The following WFDC11 variants were observed in gnomAD, a reference collection of about 807,000 sequenced individuals.
WFDC11 encodes WAP four-disulfide core domain 11, also known as protein WFDC11.
A neutral mutation model predicts 9.9 loss-of-function variants in WFDC11; 9 were observed. The ratio of observed to expected loss-of-function variants is 0.91; its 90% CI spans 0.55 to 1.58. The LOEUF (loss-of-function observed/expected upper bound fraction) is 1.58. Among genes scored for constraint, WFDC11 ranks in the 40% most tolerant of loss-of-function variants. The pLI is 0.00. For synonymous variants in WFDC11, 32 were observed against 33.3 expected (o/e 0.96, Z 0.13); for missense variants, 106 against 101.7 (o/e 1.04, Z -0.18).
intron 4 of WFDC11, 72 bp downstream of exon 4, chr20:45,649,185 G>A (rs6130875): frequency 2.5e-6 from 4 of 1,568,726 alleles, no homozygotes; most frequent in Non-Finnish European, 3.5e-6. Flanking sequence ...CTTCTGTTTA[G>A]GAATAACAGC....
At chr20:45,649,126 G>A (rs1982746820) in intron 4 of WFDC11, 131 bp downstream of exon 4, 1 of 1,106,832 alleles carries the variant, frequency 9.0e-7, no homozygotes, top group African/African-American at 1.6e-5. Context: ...CAAGTTAAAG[G>A]GACATTGTCT....
At chr20:45,651,500 C>G (rs779461267) in intron 2 of WFDC11, among the ~76,000 whole-genome samples, 1 of 152,112 alleles carries the variant, frequency 6.6e-6, no homozygotes, top group African/African-American at 2.4e-5. Flanking sequence ...AGGAACAGCT[C>G]CAGTCTACAG....
At chr20:45,661,123 A>G (rs554974882) in intron 2 of WFDC11, among the ~76,000 whole-genome samples, 66 of 152,234 alleles carry the variant, frequency 4.3e-4, no homozygotes, top group African/African-American at 1.4e-3. Flanking sequence ...CTGGTGTGAG[A>G]TGGTATCCCA....
At chr20:45,659,762 G>T (rs536708990) in intron 2 of WFDC11, among the ~76,000 whole-genome samples, 27 of 152,252 alleles carry the variant, frequency 1.8e-4, no homozygotes, top group Admixed American at 5.2e-4. Context: ...CATTGCTTTT[G>T]GTGTTTTAGT....
At chr20:45,662,056 A>T (rs1469128309) in intron 2 of WFDC11, among the ~76,000 whole-genome samples, 1 of 151,974 alleles carries the variant, frequency 6.6e-6, no homozygotes, top group Non-Finnish European at 1.5e-5. Flanking sequence ...ATGAGCATGG[A>T]ATGTTCTTCC....
chr20:45,654,929 G>T (rs536502883), intron 2 of WFDC11, among the ~76,000 whole-genome samples: 38 of 152,226 alleles, frequency 2.5e-4, no homozygotes, highest in East Asian at 5.8e-4. Flanking sequence ...CTGAAATAGA[G>T]GCAATAATTA....
At chr20:45,650,267 C>T (rs13045564) in intron 3 of WFDC11, among the ~76,000 whole-genome samples, 1 of 150,426 alleles carries the variant, frequency 6.6e-6, no homozygotes, top group Non-Finnish European at 1.5e-5. Context: ...GAGAGAGAGA[C>T]AGAGAGAGAG....
chr20:45,661,815 CT>C (rs1983073995), intron 2 of WFDC11, among the ~76,000 whole-genome samples: 1 of 152,140 alleles, frequency 6.6e-6, no homozygotes, highest in South Asian at 2.1e-4. Context: ...GTTTTGGTTA[CT>C]GTAGCCTTGT....
At chr20:45,665,375 C>T (rs1002959909) in intron 2 of WFDC11, among the ~76,000 whole-genome samples, 1 of 152,198 alleles carries the variant, frequency 6.6e-6, no homozygotes, top group East Asian at 1.9e-4. Flanking sequence ...TCCTTTAGCT[C>T]GGAGAAGTTT....
chr20:45,669,498 G>A (rs1983253489), intron 1 of WFDC11, among the ~76,000 whole-genome samples: 1 of 152,144 alleles, frequency 6.6e-6, no homozygotes, highest in East Asian at 1.9e-4. Flanking sequence ...TTTATTGATA[G>A]ACATCAATAC....
intron 2 of WFDC11, among the ~76,000 whole-genome samples, chr20:45,664,296 AT>A (rs1228637822): frequency 2.6e-5 from 4 of 151,520 alleles, no homozygotes; most frequent in African/African-American, 9.7e-5. Flanking sequence ...CCATCCCTTT[AT>A]TTTGAGCCTA....
intron 2 of WFDC11, 67 bp from the exon 3 acceptor site, chr20:45,650,718 C>T: frequency 6.0e-6 from 5 of 833,480 alleles, no homozygotes; most frequent in Non-Finnish European, 9.7e-6. Flanking sequence ...TGTCGAATTT[C>T]TTCATTCTTT....
intron 2 of WFDC11, among the ~76,000 whole-genome samples, chr20:45,665,910 C>T (rs1012181103): frequency 6.6e-6 from 1 of 152,222 alleles, no homozygotes; most frequent in Non-Finnish European, 1.5e-5. Context: ...TCTGTCTGTT[C>T]TCAGAGCTCA....
At chr20:45,659,369 A>T (rs1334786903) in intron 2 of WFDC11, among the ~76,000 whole-genome samples, 1 of 152,072 alleles carries the variant, frequency 6.6e-6, no homozygotes. Context: ...CCTCTCTAGC[A>T]CCTGTTTTTT....
intron 2 of WFDC11, among the ~76,000 whole-genome samples, chr20:45,658,707 G>T (rs557874289): frequency 2.0e-5 from 3 of 151,396 alleles, no homozygotes; most frequent in African/African-American, 7.3e-5. Flanking sequence ...ATTTAATTCT[G>T]CTCTGATCTT....
At position 45,648,659 on chromosome 20, in the gene WFDC11, T is replaced by G. The variant is rs980258119; in HGVS notation, c.*60A>C. On this transcript the variant is annotated 3_prime_UTR_variant, in exon 5 of 5. Coordinates refer to ENST00000324384, the MANE Select transcript of WFDC11 (RefSeq NM_147197.2). ...TAAAAGTAGCCACAGGGTACTACTA[T>G]GAGACCTCTTAAACATTTCCCAGCC... 3.1e-6 allele frequency: 5 copies of G among 1,597,570 alleles called. No individual in the cohort carries two copies. In the African/African-American group the frequency reaches 6.7e-5, roughly 21 times the overall value.
intron 2 of WFDC11, among the ~76,000 whole-genome samples, chr20:45,661,144 G>C (rs995696317): frequency 6.6e-6 from 1 of 152,152 alleles, no homozygotes; most frequent in African/African-American, 2.4e-5. Flanking sequence ...TTGTGGTTTT[G>C]ATTTGCATTT....
chr20:45,659,708 T>G (rs1478531822), intron 2 of WFDC11, among the ~76,000 whole-genome samples: 1 of 152,236 alleles, frequency 6.6e-6, no homozygotes, highest in Non-Finnish European at 1.5e-5. Context: ...GCAGAAGCTC[T>G]TTAGTTTAAT....
intron 1 of WFDC11, among the ~76,000 whole-genome samples, chr20:45,668,428 C>T (rs1374391736): frequency 6.6e-6 from 1 of 152,012 alleles, no homozygotes; most frequent in Non-Finnish European, 1.5e-5. Flanking sequence ...TACTCTTGGC[C>T]TTGTCCTATT....
Sources: gnomAD v4.1 joint callset for allele counts (sites outside exome capture counted in the v4.1 genomes callset) on GRCh38, gnomAD v4.1.1 for gene constraint, MANE v1.5 for transcripts, NCBI Gene and HGNC (gene_info 2026-07-23, HGNC 2026-07-21) for gene names.